Variants in ABI3BP observed in about 807,000 individuals in gnomAD.
ABI3BP encodes ABI family member 3 binding protein, also known as target of Nesh-SH3.
ABI3BP carries 216 observed loss-of-function variants against 268.6 expected under a neutral mutation model. The ratio of observed to expected loss-of-function variants is 0.80; its 90% CI spans 0.72 to 0.90. ABI3BP has a LOEUF of 0.90. Ranked by LOEUF, ABI3BP falls within the 40% of genes least tolerant of loss-of-function variation. ABI3BP has a pLI of 0.00. For missense variants in ABI3BP, 2,090 were observed against 2,182.4 expected (o/e 0.96, Z 0.84); for synonymous variants, 730 against 730.0 (o/e 1.00, Z 0.00).
At chr3:100,778,992 G>T (rs926085389) in intron 58 of ABI3BP, among the ~76,000 whole-genome samples, 1 of 152,102 alleles carries the variant, frequency 6.6e-6, no homozygotes, top group African/African-American at 2.4e-5. Flanking sequence ...TTTCCATGTA[G>T]ACTTAACAGA....
At chr3:100,962,556 T>C (rs757052755) in intron 1 of ABI3BP, among the ~76,000 whole-genome samples, 3 of 152,174 alleles carry the variant, frequency 2.0e-5, no homozygotes, top group Non-Finnish European at 2.9e-5. Flanking sequence ...TTCAGTCCAC[T>C]ATGAAATAGC....
chr3:100,914,287 A>T (rs1188774052), intron 2 of ABI3BP: 1 of 250,642 alleles, frequency 4.0e-6, no homozygotes, highest in South Asian at 4.9e-5. Context: ...TCTGTTGAAT[A>T]ATGAACCCAC....
chr3:100,778,221 A>C, intron 59 of ABI3BP, 63 bp downstream of exon 59: 1 of 1,501,568 alleles, frequency 6.7e-7, no homozygotes, highest in Non-Finnish European at 9.3e-7. Context: ...CGCCAAGAAG[A>C]GCTTATGTTG....
At chr3:100,938,972 T>C (rs964116548) in intron 1 of ABI3BP, among the ~76,000 whole-genome samples, 3 of 152,122 alleles carry the variant, frequency 2.0e-5, no homozygotes, top group Non-Finnish European at 4.4e-5. Flanking sequence ...TGCATGCATG[T>C]GTGTGTGCCA....
chr3:100,992,786 T>C lies in ABI3BP; in HGVS notation c.79+520A>G, dbSNP rs181849225. ...GCTCAAGCCCTCTTCCAAACTCCAC[T>C]GGAGGGACGTGTCTGCAAATCAGCA... On this transcript the variant is annotated intron_variant, in intron 1 of 67. Coordinates refer to ENST00000471714, the MANE Select transcript of ABI3BP (RefSeq NM_001375547.2). 1.3e-3 allele frequency among the ~76,000 whole-genome samples: 195 copies of C among 152,320 alleles called. 1 individual carries two copies. Among genetic ancestry groups the C allele is most frequent in the Non-Finnish European group, 3.2e-4 (22 of 68,026 alleles).
chr3:100,972,818 C>T (rs1358571438), intron 1 of ABI3BP, among the ~76,000 whole-genome samples: 1 of 152,192 alleles, frequency 6.6e-6, no homozygotes, highest in Non-Finnish European at 1.5e-5. Context: ...TCCACATTTG[C>T]AAATGTTTCT....
intron 1 of ABI3BP, among the ~76,000 whole-genome samples, chr3:100,959,466 G>C (rs1320799206): frequency 7.0e-6 from 1 of 143,512 alleles, no homozygotes; most frequent in East Asian, 2.0e-4. Flanking sequence ...CTCCAGCCTG[G>C]GCGACAGAGC....
Position 100,792,742 on chromosome 3 carries a change from G to T in ABI3BP, c.3973C>A (p.Pro1325Thr). The T allele has an allele frequency of 1.2e-6, 2 of 1,611,490 alleles. No homozygotes were observed. The highest frequency in any genetic ancestry group is 1.7e-6 in the Non-Finnish European group (2 of 1,178,254). ...GTTCGTGGAATCTTAGTTGTGAAAG[G>T]TTCTTGGGTGGATTGGTCTGTTTCT... ...LEETDQSTQE[P>T]FTTKIPRTTE... Residue 1325 changes from proline to threonine, a missense_variant, in exon 55 of 68, where the codon CCT becomes ACT. Coordinates refer to ENST00000471714, the MANE Select transcript of ABI3BP (RefSeq NM_001375547.2).
chr3:100,933,037 T>C (rs893397153), intron 1 of ABI3BP, among the ~76,000 whole-genome samples: 1 of 151,994 alleles, frequency 6.6e-6, no homozygotes, highest in Non-Finnish European at 1.5e-5. Context: ...TCTTACATTC[T>C]CCAGAATATT....
chr3:100,810,158 T>C (rs2097819929), intron 49 of ABI3BP, among the ~76,000 whole-genome samples: 1 of 152,144 alleles, frequency 6.6e-6, no homozygotes, highest in Non-Finnish European at 1.5e-5. Flanking sequence ...ATATAAATGT[T>C]CTTCCCAGAA....
chr3:100,864,491 A>G, intron 11 of ABI3BP: 1 of 320,218 alleles, frequency 3.1e-6, no homozygotes, highest in Non-Finnish European at 5.7e-6. Flanking sequence ...GAAAGCACAG[A>G]GTCAAGACTT....
At chr3:100,751,956 A>G (rs1475592061) in intron 66 of ABI3BP, among the ~76,000 whole-genome samples, 2 of 152,178 alleles carry the variant, frequency 1.3e-5, no homozygotes, top group African/African-American at 2.4e-5. Context: ...CCTGATTTCA[A>G]ACTCCACATG....
intron 17 of ABI3BP, among the ~76,000 whole-genome samples, chr3:100,849,280 G>A (rs995498047): frequency 6.9e-6 from 1 of 145,512 alleles, no homozygotes; most frequent in Non-Finnish European, 1.5e-5. Context: ...AGGCTGGAGT[G>A]CGTGGCGCAA....
At chr3:100,768,262 GTAT>G (rs2096393398) in intron 62 of ABI3BP, among the ~76,000 whole-genome samples, 1 of 151,894 alleles carries the variant, frequency 6.6e-6, no homozygotes, top group South Asian at 2.1e-4. Flanking sequence ...CTAATTTTTT[GTAT>G]TTTTAGTAGA....
intron 51 of ABI3BP, among the ~76,000 whole-genome samples, chr3:100,799,108 C>A (rs2097445070): frequency 6.6e-6 from 1 of 152,092 alleles, no homozygotes; most frequent in Admixed American, 6.6e-5. Context: ...AGCTCGAATG[C>A]TCTAATATCT....
chr3:100,877,685 G>A (rs1291464690), intron 6 of ABI3BP, among the ~76,000 whole-genome samples: 1 of 152,218 alleles, frequency 6.6e-6, no homozygotes, highest in African/African-American at 2.4e-5. Context: ...AGGAGAATTA[G>A]AGTTGAGTTG....
At chr3:100,975,962 A>C (rs969132125) in intron 1 of ABI3BP, among the ~76,000 whole-genome samples, 2 of 152,130 alleles carry the variant, frequency 1.3e-5, no homozygotes, top group South Asian at 4.1e-4. Flanking sequence ...ACTGGATAGA[A>C]ACTTCTTACC....
intron 1 of ABI3BP, among the ~76,000 whole-genome samples, chr3:100,955,276 G>C (rs769965520): frequency 2.6e-5 from 4 of 152,112 alleles, no homozygotes; most frequent in Non-Finnish European, 5.9e-5. Flanking sequence ...CATGTCAGAC[G>C]GGTGTCTCAA....
At chr3:100,821,948 G>C (rs1020503098) in intron 38 of ABI3BP, among the ~76,000 whole-genome samples, 1 of 151,902 alleles carries the variant, frequency 6.6e-6, no homozygotes, top group Non-Finnish European at 1.5e-5. Flanking sequence ...GTCTCCTCTG[G>C]TTGGTCTCTA....
Sources: allele counts gnomAD v4.1 joint callset (sites outside exome capture counted in the v4.1 genomes callset), GRCh38; gene constraint gnomAD v4.1.1; transcripts MANE v1.5; gene names NCBI Gene and HGNC (gene_info 2026-07-23, HGNC 2026-07-21).